Variants in ABLIM3 observed in about 807,000 individuals in gnomAD.
The protein encoded by ABLIM3 is actin binding LIM protein family member 3.
Under a neutral mutation model 109.5 loss-of-function variants are expected in ABLIM3, and 61 were observed. That is an observed-to-expected ratio of 0.56 (90% CI 0.45 to 0.69). The LOEUF (loss-of-function observed/expected upper bound fraction) is 0.69, where lower values mean the gene tolerates loss of function less well. ABLIM3 is among the 30% of genes least tolerant of loss of function. ABLIM3 has a pLI of 0.00. For missense variants in ABLIM3, 796 were observed against 889.5 expected, an observed-to-expected ratio of 0.89 and a Z score of 1.34; for synonymous variants, 300 against 324.8, an observed-to-expected ratio of 0.92 and a Z score of 0.82.
At chr5:149,158,133 T>G (rs1321192434) in intron 2 of ABLIM3, among the ~76,000 whole-genome samples, 1 of 152,220 alleles carries the variant, frequency 6.6e-6, no homozygotes, top group African/African-American at 2.4e-5. Flanking sequence ...ACAGGTCATT[T>G]GCTGTGAGTC....
chr5:149,141,989 A>G lies in ABLIM3; in HGVS notation c.-87-20A>G. On this transcript the variant is annotated intron_variant, in intron 1 of 23. Coordinates refer to ENST00000309868, the MANE Select transcript of ABLIM3 (RefSeq NM_014945.5). The stretch of plus-strand genomic sequence containing the variant: ...CCTGAGGATACAGAGCTGGCACTGG[A>G]CTGCCTTTTCACCCCCCAGGTGATG... 2.0e-6 allele frequency: 3 copies of G among 1,507,822 alleles called. No individual in the cohort carries two copies. The highest frequency in any genetic ancestry group is 2.8e-6 in the Non-Finnish European group (3 of 1,083,756). The allele number at this position is 1,507,822 out of a possible 1,614,324, so 93.4% of individuals were successfully genotyped here.
chr5:149,247,543 C>T, intron 17 of ABLIM3: 1 of 677,146 alleles, frequency 1.5e-6, no homozygotes, highest in Non-Finnish European at 2.7e-6. Flanking sequence ...TGTCACTGGC[C>T]AGGCTTGCTT....
intron 3 of ABLIM3, among the ~76,000 whole-genome samples, chr5:149,185,806 A>G (rs1756899588): frequency 6.6e-6 from 1 of 152,222 alleles, no homozygotes; most frequent in Non-Finnish European, 1.5e-5. Flanking sequence ...AACATGCACT[A>G]CCATGCTGAC....
At chr5:149,145,792 C>CTT (rs34095459) in intron 2 of ABLIM3, among the ~76,000 whole-genome samples, 48,628 of 147,590 alleles carry the variant, frequency 0.33, 9,606 homozygotes, top group Middle Eastern at 0.47. Context: ...ACGTGTATGT[C>CTT]TTTTTTTTTT....
At chr5:149,212,081 C>T (rs1258003424) in intron 7 of ABLIM3, among the ~76,000 whole-genome samples, 1 of 152,006 alleles carries the variant, frequency 6.6e-6, no homozygotes, top group African/African-American at 2.4e-5. Context: ...CTTTGTAGAC[C>T]ATGTTTAGAA....
In ABLIM3 at chr5:149,241,585, G is replaced by A. The variant is rs540014074; in HGVS notation, c.1303+811G>A. 9.9e-5 allele frequency among the ~76,000 whole-genome samples: 15 copies of A among 152,194 alleles called. 1 individual carries two copies. The highest frequency in any genetic ancestry group is 4.2e-4 in the South Asian group (2 of 4,814). Reference sequence around the variant, plus strand: ...ACCAACCTGTCCAACATGGTGAAACGCTGTCTCTACTAAAAATATAAAAAT... The same window carrying A: ...ACCAACCTGTCCAACATGGTGAAACACTGTCTCTACTAAAAATATAAAAAT... On this transcript the variant is annotated intron_variant, in intron 14 of 23. Coordinates refer to ENST00000309868, the MANE Select transcript of ABLIM3 (RefSeq NM_014945.5).
intron 3 of ABLIM3, among the ~76,000 whole-genome samples, chr5:149,190,184 A>T (rs976685475): frequency 2.9e-4 from 44 of 152,208 alleles, no homozygotes; most frequent in African/African-American, 9.6e-4. Flanking sequence ...AAGCAGATTC[A>T]TGGTTATCTA....
intron 3 of ABLIM3, among the ~76,000 whole-genome samples, chr5:149,192,628 A>G (rs954219065): frequency 6.9e-6 from 1 of 145,714 alleles, no homozygotes; most frequent in African/African-American, 2.5e-5. Context: ...CCGTCTCAAA[A>G]AAAAAAAAGA....
chr5:149,215,523 A>T (rs1581150155), intron 7 of ABLIM3, among the ~76,000 whole-genome samples: 1 of 1,710 alleles, frequency 5.8e-4, no homozygotes, highest in Admixed American at 7.6e-3. Context: ...CCCCCCACAT[A>T]AAAAAAAAAA....
chr5:149,200,490 C>T, intron 5 of ABLIM3, 62 bp downstream of exon 5: 1 of 1,538,550 alleles, frequency 6.5e-7, no homozygotes, highest in Non-Finnish European at 9.0e-7. Context: ...CTCCCCTTTC[C>T]CAGCACTGCC....
intron 2 of ABLIM3, among the ~76,000 whole-genome samples, chr5:149,177,500 C>G (rs1052912551): frequency 4.6e-5 from 7 of 152,168 alleles, no homozygotes; most frequent in African/African-American, 1.7e-4. Flanking sequence ...ATGCCCAATT[C>G]ACACATTTCT....
intron 2 of ABLIM3, among the ~76,000 whole-genome samples, chr5:149,171,533 C>A (rs746293128): frequency 6.6e-6 from 1 of 152,164 alleles, no homozygotes; most frequent in African/African-American, 2.4e-5. Flanking sequence ...GCATTTGAAT[C>A]CAGATCTGAC....
At chr5:149,171,222 T>G (rs1161496782) in intron 2 of ABLIM3, among the ~76,000 whole-genome samples, 1 of 152,200 alleles carries the variant, frequency 6.6e-6, no homozygotes, top group Non-Finnish European at 1.5e-5. Flanking sequence ...GCCTGGAACT[T>G]CCTTTAGGGT....
At chr5:149,177,531 A>G (rs1756051625) in intron 2 of ABLIM3, among the ~76,000 whole-genome samples, 1 of 152,186 alleles carries the variant, frequency 6.6e-6, no homozygotes, top group Non-Finnish European at 1.5e-5. Context: ...TATCAAAAGC[A>G]TGTCAGCCAC....
In ABLIM3 at chr5:149,245,143, A is replaced by G. The variant is rs185709028; in HGVS notation, c.1486+128A>G. The G allele has an allele frequency of 3.1e-5, 40 of 1,293,024 alleles. No homozygotes were observed. In the East Asian group the frequency reaches 9.7e-4, roughly 31 times the overall value. The allele number at this position is 1,293,024 out of a possible 1,614,324, so 80.1% of individuals were successfully genotyped here. On this transcript the variant is annotated intron_variant, in intron 16 of 23. Coordinates refer to ENST00000309868, the MANE Select transcript of ABLIM3 (RefSeq NM_014945.5). ...AGAGTGCTTAGAGGGTTTATAACTA[A>G]GGGTGTTTATTCATTCAACAAATAT... is the stretch of plus-strand genomic sequence containing the variant.
At chr5:149,236,047 C>T (rs1481944104) in intron 10 of ABLIM3, among the ~76,000 whole-genome samples, 1 of 152,240 alleles carries the variant, frequency 6.6e-6, no homozygotes, top group Non-Finnish European at 1.5e-5. Context: ...ATAAGTGTGC[C>T]AACCTCTCTC....
In ABLIM3 at chr5:149,200,444, G is replaced by A. The variant is rs1021667720; in HGVS notation, c.448+16G>A. On this transcript the variant is annotated intron_variant, in intron 5 of 23. Coordinates refer to ENST00000309868, the MANE Select transcript of ABLIM3 (RefSeq NM_014945.5). ...GGACCAAGCCGTGAGTCCTCCCCAC[G>A]GGTATCTCCCTGTCCATGGGTGTGA... is the stretch of plus-strand genomic sequence containing the variant. 18 of 1,610,058 alleles carry A rather than the reference G, an allele frequency of 1.1e-5. No homozygotes were observed. The highest frequency in any genetic ancestry group is 5.0e-5 in the Admixed American group (3 of 60,014).
chr5:149,242,646 G>T, intron 15 of ABLIM3, 108 bp downstream of exon 15: 1 of 1,196,848 alleles, frequency 8.4e-7, no homozygotes, highest in East Asian at 2.3e-5. Flanking sequence ...ACACAAGGCT[G>T]CATCTTGGTC....
Position 149,240,724 on chromosome 5 carries a change from G to A in ABLIM3, c.1253G>A (p.Arg418Lys), listed in dbSNP as rs1271071550. Residue 418 changes from arginine (R) to lysine (K), a missense_variant, in exon 14 of 24, where the codon AGG (arginine) becomes AAG (lysine). Arg to Lys is a conservative substitution (Grantham distance 26, BLOSUM62 2). Coordinates refer to ENST00000309868, the MANE Select transcript of ABLIM3 (RefSeq NM_014945.5). ...SSPYHSQLDVRSSTPTSYQAP... is the reference protein window; with the variant it reads ...SSPYHSQLDVKSSTPTSYQAP... ...CCATACCATAGCCAGTTAGATGTGA[G>A]GTCCTCCACTCCAACCTCTTACCAG... 6 of 1,614,048 alleles carry A rather than the reference G, an allele frequency of 3.7e-6. No homozygotes were observed. The Admixed American group carries it at 6.7e-5, about 18-fold the overall frequency.
Sources: allele counts gnomAD v4.1 joint callset (sites outside exome capture counted in the v4.1 genomes callset), GRCh38; gene constraint gnomAD v4.1.1; transcripts MANE v1.5; gene names NCBI Gene and HGNC (gene_info 2026-07-23, HGNC 2026-07-21).